PDZRN4: variants seen among roughly 807,000 people sequenced by gnomAD.
PDZRN4 encodes PDZ domain-containing RING finger protein 4.
Under a neutral mutation model 99.0 loss-of-function variants are expected in PDZRN4, and 70 were observed. The observed-to-expected ratio is 0.71, with a 90% CI of 0.58 to 0.86. PDZRN4 has a LOEUF of 0.86. PDZRN4 is among the 40% of genes least tolerant of loss of function. The pLI is 0.00. For synonymous variants in PDZRN4, 551 were observed against 501.6 expected, an observed-to-expected ratio of 1.10 and a Z score of -1.32; for missense variants, 1,474 against 1,331.2, an observed-to-expected ratio of 1.11 and a Z score of -1.67.
intron 3 of PDZRN4, chr12:41,459,945 T>C (rs1952854817): frequency 2.4e-6 from 3 of 1,271,302 alleles, no homozygotes; most frequent in Admixed American, 2.6e-5. Context: ...ATGACCTTTG[T>C]TTCAGGAGCT....
intron 3 of PDZRN4, among the ~76,000 whole-genome samples, chr12:41,490,903 C>T (rs1937873565): frequency 1.3e-5 from 2 of 152,124 alleles, no homozygotes; most frequent in African/African-American, 2.4e-5. Flanking sequence ...CCTGAAAGTA[C>T]ATAACTCAGA....
At chr12:41,571,376 T>TCTCTCTCTCACA (rs1303597271) in intron 9 of PDZRN4, among the ~76,000 whole-genome samples, 5 of 65,592 alleles carry the variant, frequency 7.6e-5, no homozygotes, top group Admixed American at 1.7e-4. Flanking sequence ...TCTCTCTCTC[T>TCTCTCTCTCACA]CACACACACA....
chr12:41,431,506 C>T (rs930064773), intron 3 of PDZRN4, among the ~76,000 whole-genome samples: 5 of 152,186 alleles, frequency 3.3e-5, no homozygotes, highest in Admixed American at 3.3e-4. Context: ...GTTCATGAAT[C>T]TTCCTCAGGT....
In PDZRN4 at chr12:41,307,185, C is replaced by T. The variant is rs544198024; in HGVS notation, c.843+112997C>T. ...TTCCTATCTTATTCTGCTTGGGGTA[C>T]CACAGCAAATACCATAGACTAGGTA... On this transcript the variant is annotated intron_variant, in intron 3 of 9. Coordinates refer to ENST00000402685, the MANE Select transcript of PDZRN4 (RefSeq NM_001164595.2). Among the ~76,000 whole-genome samples the T allele has an allele frequency of 3.9e-5, 6 of 152,136 alleles. No individual in the cohort carries two copies. The South Asian group carries it at 1.2e-3, about 32-fold the overall frequency.
At chr12:41,459,396 T>A (rs1168652755) in intron 3 of PDZRN4, among the ~76,000 whole-genome samples, 3 of 152,184 alleles carry the variant, frequency 2.0e-5, no homozygotes, top group Non-Finnish European at 4.4e-5. Context: ...AAACTCCATA[T>A]GCCTCTTTTG....
intron 3 of PDZRN4, among the ~76,000 whole-genome samples, chr12:41,429,505 G>C (rs1325522774): frequency 5.3e-5 from 8 of 152,170 alleles, no homozygotes; most frequent in Admixed American, 5.2e-4. Context: ...ATCTCAGTGT[G>C]CTGTGAGCAT....
chr12:41,437,888 C>T, intron 3 of PDZRN4: 5 of 1,613,634 alleles, frequency 3.1e-6, no homozygotes, highest in Non-Finnish European at 4.2e-6. Context: ...TTTCAGTTCA[C>T]TTGCCTTTCA....
chr12:41,455,796 C>T, intron 3 of PDZRN4, among the ~76,000 whole-genome samples: 1 of 152,106 alleles, frequency 6.6e-6, no homozygotes, highest in Admixed American at 6.6e-5. Context: ...TCAGTCTCAC[C>T]ATTCAAGATT....
intron 3 of PDZRN4, among the ~76,000 whole-genome samples, chr12:41,440,821 G>T (rs916365071): frequency 1.3e-5 from 2 of 152,080 alleles, no homozygotes; most frequent in African/African-American, 4.8e-5. Flanking sequence ...TTCAAAGTAA[G>T]TTATTTATTA....
chr12:41,191,599 C>A (rs1321389365), intron 2 of PDZRN4, 55 bp downstream of exon 2: 2 of 820,704 alleles, frequency 2.4e-6, no homozygotes, highest in Non-Finnish European at 4.1e-6. Flanking sequence ...CATTAATAAG[C>A]ATTACTCATT....
chr12:41,572,973 G>C lies in PDZRN4; in HGVS notation c.2194G>C (p.Asp732His), dbSNP rs1309523349. 1 of 1,614,156 alleles carries C rather than the reference G, an allele frequency of 6.2e-7. No individual in the cohort carries two copies. The highest frequency in any genetic ancestry group is 2.2e-5 in the East Asian group (1 of 44,882). The change falls in exon 10 of 10, where the codon GAC (aspartate) becomes CAC (histidine). Residue 732 changes from aspartate (D) to histidine (H), a missense_variant. Coordinates refer to ENST00000402685, the MANE Select transcript of PDZRN4 (RefSeq NM_001164595.2). ...CATCATGGAGCATCCAGAAAAGTCT[G>C]ACAAGGACAGTTCTAGTGCTTACAA... ...DDIMEHPEKS[D>H]KDSSSAYNTA...
In PDZRN4 at chr12:41,387,116, A is replaced by G. The variant is rs1159586215; in HGVS notation, c.844-119340A>G. Among the ~76,000 whole-genome samples the G allele has an allele frequency of 2.6e-5, 4 of 152,204 alleles. No individual in the cohort carries two copies. In the East Asian group the frequency reaches 7.7e-4, roughly 29 times the overall value. On this transcript the variant is annotated intron_variant, in intron 3 of 9. Coordinates refer to ENST00000402685, the MANE Select transcript of PDZRN4 (RefSeq NM_001164595.2). ...AATGGCAATAAAATCAAAAATTCAC[A>G]AATAGGATCTAATTAAACTAAAGAG...
intron 3 of PDZRN4, among the ~76,000 whole-genome samples, chr12:41,244,163 A>G (rs1194995295): frequency 3.3e-5 from 5 of 152,052 alleles, no homozygotes; most frequent in South Asian, 2.1e-4. Flanking sequence ...TACTCCCCCA[A>G]TTTGGTAAAT....
intron 3 of PDZRN4, among the ~76,000 whole-genome samples, chr12:41,479,969 T>C (rs1386952731): frequency 6.6e-6 from 1 of 152,216 alleles, no homozygotes; most frequent in East Asian, 1.9e-4. Context: ...ATTAATGTAA[T>C]TTTCATGAAA....
intron 3 of PDZRN4, among the ~76,000 whole-genome samples, chr12:41,254,718 A>G (rs1223814521): frequency 1.3e-5 from 2 of 152,242 alleles, no homozygotes; most frequent in Non-Finnish European, 2.9e-5. Flanking sequence ...TGAGTGAGTC[A>G]CAGTGCTGTA....
intron 7 of PDZRN4, among the ~76,000 whole-genome samples, chr12:41,557,805 T>C (rs552733251): frequency 9.9e-5 from 15 of 152,282 alleles, no homozygotes; most frequent in Non-Finnish European, 2.1e-4. Flanking sequence ...TAATTTCTCC[T>C]TCAGTGAGCT....
rs572779791 is a variant in PDZRN4 at position 41,250,229 on chromosome 12, A to C, written c.843+56041A>C. ...CTGGTTCATTCCATGATTTAGCAAA[A>C]GCGAACAACTAATTTTCAGAAAAAG... On this transcript the variant is annotated intron_variant, in intron 3 of 9. Transcript: ENST00000402685. Among the ~76,000 whole-genome samples the C allele has an allele frequency of 3.3e-5, 5 of 152,316 alleles. No homozygotes were observed. In the South Asian group the frequency reaches 8.3e-4, roughly 25 times the overall value.
At chr12:41,211,078 A>G (rs1444199763) in intron 3 of PDZRN4, among the ~76,000 whole-genome samples, 1 of 152,022 alleles carries the variant, frequency 6.6e-6, no homozygotes, top group Non-Finnish European at 1.5e-5. Flanking sequence ...AAATCACAAG[A>G]CAGTGTTTCA....
chr12:41,296,355 A>T (rs1250560767), intron 3 of PDZRN4, among the ~76,000 whole-genome samples: 1 of 152,210 alleles, frequency 6.6e-6, no homozygotes, highest in Non-Finnish European at 1.5e-5. Flanking sequence ...ACAGGTCAAG[A>T]ACAAATTTCT....
Sources: allele counts gnomAD v4.1 joint callset (sites outside exome capture counted in the v4.1 genomes callset), GRCh38; gene constraint gnomAD v4.1.1; transcripts MANE v1.5; gene names NCBI Gene and HGNC (gene_info 2026-07-23, HGNC 2026-07-21).